Variants in UNC13A observed in about 807,000 individuals in gnomAD.
UNC13A encodes the protein unc-13 homolog A, also known as protein unc-13 homolog A.
Under a neutral mutation model 219.7 loss-of-function variants are expected in UNC13A, and 61 were observed. The observed-to-expected ratio is 0.28, with a 90% CI of 0.23 to 0.34. The LOEUF (loss-of-function observed/expected upper bound fraction) is 0.34. UNC13A is among the 10% of genes least tolerant of loss of function. The probability of loss-of-function intolerance (pLI) is 1.00; values close to 1 mark genes in which losing one functional copy is unlikely to be tolerated. For missense variants in UNC13A, 1,476 were observed against 2,270.3 expected, an observed-to-expected ratio of 0.65 and a Z score of 7.11; for synonymous variants, 920 against 884.6, an observed-to-expected ratio of 1.04 and a Z score of -0.71.
chr19:17,624,860 G>A lies in UNC13A; in HGVS notation c.4166C>T (p.Thr1389Ile), dbSNP rs1568508061. Reference protein sequence around the residue: ...WKLVMNTMEKTIVLPPLTDQT... With the variant: ...WKLVMNTMEKIIVLPPLTDQT... ...GTCAGTGAGGGGCGGCAGGACGATG[G>A]TTTTCTCCATGGTGTTCATAACCAG... Residue 1389 changes from threonine to isoleucine, a missense_variant, in exon 35 of 44, where the codon ACC (threonine) becomes ATC (isoleucine). Physicochemically the swap from Thr to Ile is moderately conservative, Grantham distance 89 (BLOSUM62 -1). Coordinates refer to ENST00000519716, the MANE Select transcript of UNC13A (RefSeq NM_001080421.3). 2 of 1,613,822 alleles carry A rather than the reference G, an allele frequency of 1.2e-6. No homozygotes were observed. The highest frequency in any genetic ancestry group is 1.7e-6 in the Non-Finnish European group (2 of 1,179,762).
At chr19:17,687,778 C>G (rs2080142396) in intron 1 of UNC13A, among the ~76,000 whole-genome samples, 1 of 152,092 alleles carries the variant, frequency 6.6e-6, no homozygotes, top group Admixed American at 6.6e-5. Context: ...GCCCACAACA[C>G]CAGACCCCTT....
At chr19:17,620,027 G>A (rs771794307) in intron 38 of UNC13A, among the ~76,000 whole-genome samples, 1 of 152,194 alleles carries the variant, frequency 6.6e-6, no homozygotes, top group East Asian at 1.9e-4. Flanking sequence ...TCAAAGTCAC[G>A]GGCAATGCTA....
At chr19:17,657,355 C>G (rs1442686919) in intron 9 of UNC13A, among the ~76,000 whole-genome samples, 1 of 152,186 alleles carries the variant, frequency 6.6e-6, no homozygotes, top group African/African-American at 2.4e-5. Context: ...AAACTCCTAC[C>G]CACCCTCTGG....
At chr19:17,688,096 C>T (rs1462475771) in intron 1 of UNC13A, 82 bp downstream of exon 1, 1 of 1,473,272 alleles carries the variant, frequency 6.8e-7, no homozygotes, top group Non-Finnish European at 9.0e-7. Flanking sequence ...CCCCCAGGAA[C>T]CCCCTGGGAG....
At chr19:17,619,122 G>T in intron 38 of UNC13A, 160 bp from the exon 39 acceptor site, 1 of 666,756 alleles carries the variant, frequency 1.5e-6, no homozygotes, top group Non-Finnish European at 2.6e-6. Context: ...TGAGGAGGAT[G>T]TGGTGACCTT....
chr19:17,617,871 G>C, intron 40 of UNC13A, 22 bp from the exon 41 acceptor site: 1 of 1,613,308 alleles, frequency 6.2e-7, no homozygotes, highest in African/African-American at 1.3e-5. Context: ...AGGGTGGGGA[G>C]AGGTGAGGAT....
intron 19 of UNC13A, among the ~76,000 whole-genome samples, chr19:17,644,523 G>GTTT (rs57314065): frequency 9.1e-5 from 9 of 99,162 alleles, no homozygotes; most frequent in African/African-American, 3.5e-4. Flanking sequence ...TTTTTCTTTT[G>GTTT]TTTTTTTTTT....
intron 19 of UNC13A, among the ~76,000 whole-genome samples, chr19:17,644,046 G>A (rs1278808060): frequency 6.6e-6 from 1 of 152,016 alleles, no homozygotes; most frequent in African/African-American, 2.4e-5. Flanking sequence ...CTCAGATTAG[G>A]CTCATACACC....
rs2076827815 is a variant in UNC13A, at chr19:17,630,202, C to G, written c.3612G>C (p.Lys1204Asn). Residue 1204 changes from lysine to asparagine, a missense_variant, in exon 30 of 44, where the codon AAG becomes AAC. Lys to Asn is a moderately conservative substitution (Grantham distance 94, BLOSUM62 0). Around this residue, in one of 14 missense-constraint regions of UNC13A, gnomAD observed 218 missense variants for 409.4 expected, o/e 0.53. Coordinates refer to ENST00000519716, the MANE Select transcript of UNC13A (RefSeq NM_001080421.3). Reference protein sequence around the residue: ...SQLNQSFEIIKKLECPDPQIV... With the variant: ...SQLNQSFEIINKLECPDPQIV... ...TCTGAGGGTCGGGACACTCGAGTTT[C>G]TTGATGATTTCAAAGCTCTGGTTGA... 1 of 1,552,624 alleles carries G rather than the reference C, an allele frequency of 6.4e-7. No individual in the cohort carries two copies. Among genetic ancestry groups the G allele is most frequent in the African/African-American group, 1.4e-5 (1 of 73,048 alleles).
chr19:17,671,474 A>G (rs2079786569), intron 4 of UNC13A, among the ~76,000 whole-genome samples: 1 of 152,072 alleles, frequency 6.6e-6, no homozygotes, highest in Non-Finnish European at 1.5e-5. Flanking sequence ...GGGACAGATG[A>G]ATAGACATGA....
At chr19:17,607,671 AC>A (rs2076548458) in intron 43 of UNC13A, among the ~76,000 whole-genome samples, 1 of 147,206 alleles carries the variant, frequency 6.8e-6, no homozygotes, top group African/African-American at 2.5e-5. Context: ...GCAGCCTTAA[AC>A]TCCTGAGCTC....
At chr19:17,678,546 G>C (rs1301741573) in intron 1 of UNC13A, among the ~76,000 whole-genome samples, 3 of 152,050 alleles carry the variant, frequency 2.0e-5, no homozygotes, top group Non-Finnish European at 4.4e-5. Flanking sequence ...CTCTCTCTGG[G>C]CCTTCATCTC....
chr19:17,632,452 G>T (rs2145010149), intron 28 of UNC13A, among the ~76,000 whole-genome samples: 1 of 152,350 alleles, frequency 6.6e-6, no homozygotes, highest in South Asian at 2.1e-4. Context: ...GGGGCTACAG[G>T]CATGTGCCAC....
At chr19:17,617,945 CG>C (rs1260417561) in intron 40 of UNC13A, 96 bp from the exon 41 acceptor site, 1 of 1,479,308 alleles carries the variant, frequency 6.8e-7, no homozygotes, top group East Asian at 2.4e-5. Flanking sequence ...CAATTCTTCC[CG>C]CTACTACTTT....
At chr19:17,675,344 T>A (rs7252092) in intron 2 of UNC13A, among the ~76,000 whole-genome samples, 50,088 of 150,676 alleles carry the variant, frequency 0.33, 9,112 homozygotes, top group African/African-American at 0.46. Flanking sequence ...ATAATAATAA[T>A]AAAAAGGCAG....
chr19:17,642,579 T>A (rs2076982509), intron 20 of UNC13A, among the ~76,000 whole-genome samples: 1 of 152,098 alleles, frequency 6.6e-6, no homozygotes, highest in South Asian at 2.1e-4. Context: ...GGCCCAATCC[T>A]GAGTGGTTAG....
chr19:17,641,764 A>ACATC (rs1226242840), intron 20 of UNC13A, among the ~76,000 whole-genome samples: 2 of 151,758 alleles, frequency 1.3e-5, no homozygotes, highest in Non-Finnish European at 2.9e-5. Flanking sequence ...ATTCAACCAC[A>ACATC]CATCCATCCA....
chr19:17,635,905 A>C, intron 26 of UNC13A, 119 bp downstream of exon 26: 1 of 1,309,294 alleles, frequency 7.6e-7, no homozygotes, highest in East Asian at 2.5e-5. Flanking sequence ...CAGACCCACA[A>C]TTACCCCCAG....
At chr19:17,650,248 C>T (rs116549406) in intron 12 of UNC13A, among the ~76,000 whole-genome samples, 2,271 of 152,222 alleles carry the variant, frequency 0.015, 76 homozygotes, top group African/African-American at 0.051. Context: ...TGGTGGCTTA[C>T]GCCTGTAATA....
Sources: gnomAD v4.1 joint callset for allele counts (sites outside exome capture counted in the v4.1 genomes callset) on GRCh38, gnomAD v4.1.1 for gene constraint, gnomAD v4.1.1 regional missense constraint, MANE v1.5 for transcripts, NCBI Gene and HGNC (gene_info 2026-07-23, HGNC 2026-07-21) for gene names.